Variants in MRPL1 observed in about 807,000 individuals in gnomAD.
MRPL1 encodes large ribosomal subunit protein uL1m.
Under a neutral mutation model 38.0 loss-of-function variants are expected in MRPL1, and 28 were observed. The ratio of observed to expected loss-of-function variants is 0.74; its 90% CI spans 0.55 to 1.01. The LOEUF (loss-of-function observed/expected upper bound fraction) is 1.01, where lower values mean the gene tolerates loss of function less well. Ranked by LOEUF, MRPL1 falls within the 50% of genes least tolerant of loss-of-function variation. The pLI, the probability that MRPL1 is intolerant of heterozygous loss-of-function variation, is 0.00. For missense variants in MRPL1, 358 were observed against 389.8 expected (o/e 0.92, Z 0.69); for synonymous variants, 123 against 126.7 (o/e 0.97, Z 0.20).
Position 77,883,469 on chromosome 4 carries a change from A to G in MRPL1, c.371A>G (p.Asp124Gly). The part of the protein sequence containing the change: ...FTSPKQSVYL[D>G]LTLDMALGKK... The stretch of plus-strand genomic sequence containing the variant: ...AGTCCAAAGCAAAGTGTTTATCTTG[A>G]TTTGACACTGGATATGGCACTGGGA... The change falls in exon 3 of 9, where the codon GAT becomes GGT. Residue 124 changes from aspartate to glycine, a missense_variant. Transcript: ENST00000315567. 6.2e-7 allele frequency: 1 copy of G among 1,613,622 alleles called. No individual in the cohort carries two copies.
At chr4:77,891,317 G>C (rs754621070) in intron 5 of MRPL1, among the ~76,000 whole-genome samples, 69 of 148,816 alleles carry the variant, frequency 4.6e-4, no homozygotes, top group Admixed American at 1.1e-3. Context: ...TTGTAGAACT[G>C]TCATAGCCAC....
rs562021009 is a variant in MRPL1, at chr4:77,883,557, G to A, written c.402+57G>A. ...GTGAACAGTGGCTGTATGAATTGGT[G>A]TTTCTTTATTTTATTTTATTGTTAT... On this transcript the variant is annotated intron_variant, in intron 3 of 8. Transcript: ENST00000315567. The A allele has an allele frequency of 6.7e-5, 96 of 1,435,020 alleles. No homozygotes were observed. The African/African-American group carries it at 1.2e-3, about 18-fold the overall frequency. 88.9% of individuals were successfully genotyped at this position (1,435,020 alleles called of 1,614,324 possible). A position where few individuals can be genotyped will look rare whatever the true frequency, so the allele number is the denominator to read the frequency against.
chr4:77,927,735 A>G (rs1433254480), intron 7 of MRPL1, among the ~76,000 whole-genome samples: 3 of 152,138 alleles, frequency 2.0e-5, no homozygotes, highest in African/African-American at 4.8e-5. Flanking sequence ...AAATGCATTT[A>G]TATGATAGCC....
intron 6 of MRPL1, among the ~76,000 whole-genome samples, chr4:77,897,005 CT>C (rs1242884888): frequency 6.6e-6 from 1 of 152,076 alleles, no homozygotes; most frequent in African/African-American, 2.4e-5. Flanking sequence ...TTAATTAAAA[CT>C]TTTTTATTTC....
At chr4:77,899,160 ATTT>A (rs1214514714) in intron 6 of MRPL1, among the ~76,000 whole-genome samples, 13 of 126,526 alleles carry the variant, frequency 1.0e-4, no homozygotes, top group African/African-American at 1.5e-4. Flanking sequence ...CGCCTGGCTC[ATTT>A]TTTTTTTTTT....
intron 8 of MRPL1, 150 bp from the exon 9 acceptor site, chr4:77,952,339 A>G (rs769742896): frequency 2.6e-4 from 163 of 634,152 alleles, no homozygotes; most frequent in Middle Eastern, 5.2e-4. Context: ...TAATTAGCCT[A>G]CGGTACAATT....
chr4:77,937,652 G>A (rs1737018869), intron 7 of MRPL1, among the ~76,000 whole-genome samples: 1 of 152,244 alleles, frequency 6.6e-6, no homozygotes, highest in Non-Finnish European at 1.5e-5. Context: ...CTTGGCTTCT[G>A]CTGCCTCTTG....
At chr4:77,877,375 A>C (rs1578039343) in intron 2 of MRPL1, among the ~76,000 whole-genome samples, 1 of 151,842 alleles carries the variant, frequency 6.6e-6, no homozygotes, top group East Asian at 1.9e-4. Context: ...TGCCATGGTT[A>C]CCATCAGCTT....
chr4:77,900,891 A>G (rs886464591), intron 6 of MRPL1, among the ~76,000 whole-genome samples: 1 of 152,202 alleles, frequency 6.6e-6, no homozygotes, highest in East Asian at 1.9e-4. Flanking sequence ...CAGGTAAAAG[A>G]TGAAGAAGGA....
chr4:77,888,374 A>G (rs185174992), intron 5 of MRPL1, among the ~76,000 whole-genome samples: 1 of 152,208 alleles, frequency 6.6e-6, no homozygotes, highest in Non-Finnish European at 1.5e-5. Flanking sequence ...GCGTGGTGGC[A>G]CATGCCTGTA....
chr4:77,952,282 G>C (rs1035339835), intron 8 of MRPL1, among the ~76,000 whole-genome samples: 3 of 152,114 alleles, frequency 2.0e-5, no homozygotes, highest in Non-Finnish European at 2.9e-5. Context: ...TAGAAGCTTG[G>C]TGATATTTTT....
At chr4:77,891,298 A>G (rs1735799331) in intron 5 of MRPL1, among the ~76,000 whole-genome samples, 2 of 151,350 alleles carry the variant, frequency 1.3e-5, no homozygotes, top group African/African-American at 4.8e-5. Flanking sequence ...TGCAACCACT[A>G]AAGTTACCTT....
chr4:77,948,656 TCA>T (rs1396380206), intron 7 of MRPL1, among the ~76,000 whole-genome samples: 2 of 152,226 alleles, frequency 1.3e-5, no homozygotes, highest in Non-Finnish European at 2.9e-5. Flanking sequence ...GGCACATTTC[TCA>T]CAGTGCTCTC....
chr4:77,923,997 T>C (rs1277213195), intron 7 of MRPL1, among the ~76,000 whole-genome samples: 3 of 62,230 alleles, frequency 4.8e-5, no homozygotes, highest in Non-Finnish European at 8.8e-5. Flanking sequence ...TAGGACTCTG[T>C]CTCAAAAAAA....
At chr4:77,892,127 CT>C (rs34043885) in intron 5 of MRPL1, among the ~76,000 whole-genome samples, 77,401 of 144,890 alleles carry the variant, frequency 0.53, 20,216 homozygotes, top group Admixed American at 0.57. Context: ...GTAGTCATTT[CT>C]TTTTTTTTTT....
intron 7 of MRPL1, among the ~76,000 whole-genome samples, chr4:77,932,326 C>T (rs967439373): frequency 6.6e-6 from 1 of 152,196 alleles, no homozygotes; most frequent in African/African-American, 2.4e-5. Flanking sequence ...ATGATCACCT[C>T]TCTCAGCTTC....
intron 5 of MRPL1, among the ~76,000 whole-genome samples, chr4:77,891,492 A>C (rs1193954422): frequency 6.6e-6 from 1 of 151,908 alleles, no homozygotes; most frequent in East Asian, 1.9e-4. Flanking sequence ...AGTAGCTGGG[A>C]TTACAGGCGC....
chr4:77,863,305 A>G (rs1315491058), intron 1 of MRPL1, among the ~76,000 whole-genome samples: 4 of 152,166 alleles, frequency 2.6e-5, no homozygotes, highest in Non-Finnish European at 5.9e-5. Context: ...ACTTCGTTAT[A>G]GGCGATTCCA....
intron 6 of MRPL1, among the ~76,000 whole-genome samples, chr4:77,895,293 C>T (rs371605235): frequency 2.0e-5 from 3 of 151,914 alleles, no homozygotes; most frequent in African/African-American, 4.8e-5. Context: ...GTCTTCATAA[C>T]GAGACTGGAG....
Sources: allele counts gnomAD v4.1 joint callset (sites outside exome capture counted in the v4.1 genomes callset), GRCh38; gene constraint gnomAD v4.1.1; transcripts MANE v1.5; gene names NCBI Gene and HGNC (gene_info 2026-07-23, HGNC 2026-07-21).